Variants in KCNH8 observed in about 807,000 individuals in gnomAD.
KCNH8 encodes potassium voltage-gated channel subfamily H member 8.
KCNH8 carries 70 observed loss-of-function variants against 103.6 expected under a neutral mutation model. That is an observed-to-expected ratio of 0.68 (90% CI 0.56 to 0.82). The LOEUF is 0.82. Among genes scored for constraint, KCNH8 ranks in the 40% least tolerant of loss-of-function variants. The probability of loss-of-function intolerance (pLI) is 0.00; values close to 1 mark genes in which losing one functional copy is unlikely to be tolerated. For missense variants in KCNH8, 1,217 were observed against 1,329.9 expected (o/e 0.92, Z 1.32); for synonymous variants, 498 against 489.4 (o/e 1.02, Z -0.23).
At chr3:19,360,254 G>A (rs988112906) in intron 5 of KCNH8, among the ~76,000 whole-genome samples, 8 of 151,982 alleles carry the variant, frequency 5.3e-5, no homozygotes, top group Non-Finnish European at 1.2e-4. Context: ...TTGTTTGCAG[G>A]AGCAAAATAA....
At chr3:19,293,517 C>A (rs1482897562) in intron 3 of KCNH8, among the ~76,000 whole-genome samples, 2 of 152,200 alleles carry the variant, frequency 1.3e-5, no homozygotes, top group Non-Finnish European at 2.9e-5. Context: ...ACCTTTCGAT[C>A]AGAATCTGCA....
At chr3:19,351,622 A>C (rs760286347) in intron 5 of KCNH8, among the ~76,000 whole-genome samples, 3 of 152,206 alleles carry the variant, frequency 2.0e-5, no homozygotes, top group Non-Finnish European at 4.4e-5. Flanking sequence ...AGAATTTTAT[A>C]TCCGGCCAAA....
intron 1 of KCNH8, among the ~76,000 whole-genome samples, chr3:19,206,921 G>C (rs1302912414): frequency 6.6e-6 from 1 of 152,030 alleles, no homozygotes; most frequent in Non-Finnish European, 1.5e-5. Context: ...GAAAGAGCAA[G>C]ACAAAGACAG....
chr3:19,246,563 C>A (rs2064209905), intron 1 of KCNH8, among the ~76,000 whole-genome samples: 2 of 152,024 alleles, frequency 1.3e-5, no homozygotes, highest in South Asian at 4.1e-4. Flanking sequence ...GCGTGAGTCA[C>A]CACGCCCAGC....
intron 8 of KCNH8, among the ~76,000 whole-genome samples, chr3:19,442,865 A>G (rs1043368679): frequency 2.0e-5 from 3 of 152,128 alleles, no homozygotes; most frequent in African/African-American, 7.2e-5. Context: ...AAGAGCTCAC[A>G]CTATTGAGCA....
chr3:19,309,884 C>T (rs1426541442), intron 3 of KCNH8, among the ~76,000 whole-genome samples: 1 of 151,922 alleles, frequency 6.6e-6, no homozygotes, highest in Non-Finnish European at 1.5e-5. Context: ...TTTGCTTTGG[C>T]ACAGGGCTCA....
At chr3:19,208,949 C>T (rs908168875) in intron 1 of KCNH8, among the ~76,000 whole-genome samples, 1 of 151,974 alleles carries the variant, frequency 6.6e-6, no homozygotes, top group African/African-American at 2.4e-5. Flanking sequence ...ATTTTTCATA[C>T]TTTCCTTGTT....
chr3:19,154,845 G>A (rs1275235764), intron 1 of KCNH8, among the ~76,000 whole-genome samples: 2 of 152,194 alleles, frequency 1.3e-5, no homozygotes, highest in African/African-American at 4.8e-5. Flanking sequence ...AAAAGGTAAA[G>A]AGTTGGAACT....
chr3:19,505,457 G>GT (rs1458306510), intron 11 of KCNH8, among the ~76,000 whole-genome samples: 10 of 151,914 alleles, frequency 6.6e-5, no homozygotes, highest in South Asian at 2.1e-4. Flanking sequence ...TTAAGATAAA[G>GT]TTTTTTTTAA....
intron 2 of KCNH8, among the ~76,000 whole-genome samples, chr3:19,256,486 G>T (rs1374073566): frequency 6.6e-6 from 1 of 152,072 alleles, no homozygotes; most frequent in African/African-American, 2.4e-5. Flanking sequence ...ATGCAGACTG[G>T]CAGGGAGTGA....
At chr3:19,427,712 C>A (rs1044840078) in intron 7 of KCNH8, among the ~76,000 whole-genome samples, 1 of 152,096 alleles carries the variant, frequency 6.6e-6, no homozygotes, top group Admixed American at 6.5e-5. Flanking sequence ...CATTAAAACC[C>A]CTCCCACCAA....
At chr3:19,358,167 C>A (rs1026318962) in intron 5 of KCNH8, among the ~76,000 whole-genome samples, 2 of 127,742 alleles carry the variant, frequency 1.6e-5, no homozygotes, top group Non-Finnish European at 3.2e-5. Context: ...TTTCTTCCTT[C>A]CTTTTCTTCC....
At chr3:19,377,113 G>A (rs544869598) in intron 5 of KCNH8, among the ~76,000 whole-genome samples, 50 of 152,342 alleles carry the variant, frequency 3.3e-4, no homozygotes, top group African/African-American at 1.2e-3. Context: ...GCTAGGCAAT[G>A]ATGAATCCTG....
At chr3:19,453,725 G>T (rs982279223) in intron 10 of KCNH8, among the ~76,000 whole-genome samples, 1 of 152,096 alleles carries the variant, frequency 6.6e-6, no homozygotes, top group East Asian at 1.9e-4. Flanking sequence ...CCCATGTGCG[G>T]ACACAACGGA....
intron 1 of KCNH8, among the ~76,000 whole-genome samples, chr3:19,244,671 A>G (rs1372623867): frequency 6.6e-6 from 1 of 152,102 alleles, no homozygotes; most frequent in African/African-American, 2.4e-5. Context: ...TCTGATCGGT[A>G]TGAGATGGTA....
intron 3 of KCNH8, among the ~76,000 whole-genome samples, chr3:19,318,998 ATTAT>A (rs1051447427): frequency 2.7e-5 from 4 of 150,504 alleles, no homozygotes; most frequent in African/African-American, 4.9e-5. Flanking sequence ...TTTTGATGGG[ATTAT>A]TTGTTTATTT....
intron 2 of KCNH8, among the ~76,000 whole-genome samples, chr3:19,262,380 T>TTTAC (rs1453222709): frequency 6.6e-6 from 1 of 152,066 alleles, no homozygotes; most frequent in East Asian, 1.9e-4. Flanking sequence ...TACACTTAGT[T>TTTAC]ATTCAATATG....
At chr3:19,447,486 G>T (rs970101684) in intron 8 of KCNH8, among the ~76,000 whole-genome samples, 4 of 151,948 alleles carry the variant, frequency 2.6e-5, no homozygotes, top group African/African-American at 7.2e-5. Context: ...GCAAAGCAAA[G>T]TTAAAATCAT....
chr3:19,392,225 C>A (rs1225398042), intron 6 of KCNH8, among the ~76,000 whole-genome samples: 1 of 149,190 alleles, frequency 6.7e-6, no homozygotes, highest in Non-Finnish European at 1.5e-5. Flanking sequence ...TATTTATATA[C>A]TTTCACTACA....
Sources: gnomAD v4.1 joint callset for allele counts (sites outside exome capture counted in the v4.1 genomes callset) on GRCh38, gnomAD v4.1.1 for gene constraint, MANE v1.5 for transcripts, NCBI Gene and HGNC (gene_info 2026-07-23, HGNC 2026-07-21) for gene names.